Variants in EML6 observed in about 807,000 individuals in gnomAD.
The protein encoded by EML6 is EMAP like 6.
In EML6, 154 loss-of-function variants were observed where a neutral mutation model predicts 240.1. The observed-to-expected ratio is 0.64, with a 90% confidence interval of 0.56 to 0.73. The LOEUF (loss-of-function observed/expected upper bound fraction) is 0.73. Among genes scored for constraint, EML6 ranks in the 30% least tolerant of loss-of-function variants. The pLI is 0.00. For missense variants in EML6, 2,964 were observed against 2,474.6 expected (o/e 1.20, Z -4.20); for synonymous variants, 1,148 against 899.0 (o/e 1.28, Z -4.95).
chr2:54,911,258 T>C (rs939075953), intron 25 of EML6, among the ~76,000 whole-genome samples: 2 of 152,244 alleles, frequency 1.3e-5, no homozygotes, highest in African/African-American at 4.8e-5. Flanking sequence ...GTTGGTGCTC[T>C]GCTTAATTTT....
intron 4 of EML6, 30 bp from the exon 5 acceptor site, chr2:54,820,364 C>T (rs1324703438): frequency 2.0e-6 from 3 of 1,483,222 alleles, no homozygotes; most frequent in Non-Finnish European, 2.7e-6. Flanking sequence ...ACCAAATGAT[C>T]AACATGGCAA....
At chr2:54,792,059 T>C (rs947308410) in intron 2 of EML6, among the ~76,000 whole-genome samples, 1 of 152,210 alleles carries the variant, frequency 6.6e-6, no homozygotes, top group Non-Finnish European at 1.5e-5. Flanking sequence ...CCCAAAGTCA[T>C]CTGGTTTTCT....
chr2:54,961,578 A>G (rs1440150227), intron 35 of EML6, among the ~76,000 whole-genome samples: 2 of 152,076 alleles, frequency 1.3e-5, no homozygotes, highest in African/African-American at 2.4e-5. Context: ...CTCTGCAGTC[A>G]CTGGAATATT....
intron 35 of EML6, among the ~76,000 whole-genome samples, chr2:54,961,802 C>A (rs1475569045): frequency 6.6e-6 from 1 of 151,776 alleles, no homozygotes; most frequent in South Asian, 2.1e-4. Context: ...GTCAGGAGTT[C>A]GAGACCACCT....
chr2:54,853,235 T>G (rs1670186486), intron 10 of EML6, among the ~76,000 whole-genome samples: 1 of 152,194 alleles, frequency 6.6e-6, no homozygotes, highest in African/African-American at 2.4e-5. Flanking sequence ...AGTCATTTCA[T>G]TAATAATACA....
At chr2:54,809,123 A>G (rs937513474) in intron 2 of EML6, among the ~76,000 whole-genome samples, 6 of 152,264 alleles carry the variant, frequency 3.9e-5, no homozygotes, top group South Asian at 2.1e-4. Context: ...GAGACTCGCA[A>G]TGAAAGGGAG....
chr2:54,774,842 C>T lies in EML6; in HGVS notation c.198-38390C>T, dbSNP rs568886900. 2.6e-5 allele frequency among the ~76,000 whole-genome samples: 4 copies of T among 152,314 alleles called. No individual in the cohort carries two copies. In the East Asian group the frequency reaches 7.7e-4, roughly 29 times the overall value. On this transcript the variant is annotated intron_variant, in intron 2 of 41. Transcript: ENST00000356458. The surrounding 1 kb of genome is among the most constrained non-coding windows in gnomAD (Gnocchi z 4.1). ...AGTCAATGCTTCTCCTAATGACTTG[C>T]ATTAGAAAAGATAGTGTTGACATTG...
intron 2 of EML6, among the ~76,000 whole-genome samples, chr2:54,733,906 A>C (rs1439998489): frequency 6.6e-6 from 1 of 152,208 alleles, no homozygotes; most frequent in African/African-American, 2.4e-5. Flanking sequence ...AATAAATGGC[A>C]ACTTTACTAC....
chr2:54,847,026 G>GC (rs1321897411), intron 8 of EML6, among the ~76,000 whole-genome samples: 2 of 150,106 alleles, frequency 1.3e-5, no homozygotes, highest in East Asian at 2.0e-4. Context: ...TCCTGCCTGT[G>GC]CCCCCCAAGT....
At chr2:54,948,827 C>A in intron 28 of EML6, 55 bp from the exon 29 acceptor site, 1 of 1,404,284 alleles carries the variant, frequency 7.1e-7, no homozygotes, top group Non-Finnish European at 9.9e-7. Flanking sequence ...ACCGGGAAGG[C>A]AGCCTTGCAG....
chr2:54,905,937 C>T (rs909721861), intron 24 of EML6, among the ~76,000 whole-genome samples: 2 of 152,102 alleles, frequency 1.3e-5, no homozygotes, highest in Non-Finnish European at 2.9e-5. Context: ...TTGAGGGGCA[C>T]CTGTGTGGCT....
intron 2 of EML6, among the ~76,000 whole-genome samples, chr2:54,753,408 C>T (rs184925063): frequency 6.6e-6 from 1 of 152,258 alleles, no homozygotes; most frequent in Admixed American, 6.5e-5. Context: ...AAATGAGGAG[C>T]TTATCCTGGA....
intron 24 of EML6, among the ~76,000 whole-genome samples, chr2:54,904,203 G>T (rs1034259872): frequency 4.6e-5 from 7 of 152,188 alleles, no homozygotes; most frequent in African/African-American, 1.7e-4. Context: ...TACCGTGTGA[G>T]TAAGCAGTGG....
chr2:54,904,466 A>G (rs1438023744), intron 24 of EML6, among the ~76,000 whole-genome samples: 1 of 152,204 alleles, frequency 6.6e-6, no homozygotes, highest in African/African-American at 2.4e-5. Context: ...GAGGTAATCC[A>G]TGGAGCCTCT....
chr2:54,905,790 T>C (rs762081019), intron 24 of EML6, among the ~76,000 whole-genome samples: 1 of 152,234 alleles, frequency 6.6e-6, no homozygotes, highest in Non-Finnish European at 1.5e-5. Flanking sequence ...ACAGTATTTG[T>C]CTTTCTATAA....
chr2:54,897,480 A>G (rs1321922638), intron 21 of EML6, among the ~76,000 whole-genome samples: 1 of 152,178 alleles, frequency 6.6e-6, no homozygotes, highest in Non-Finnish European at 1.5e-5. Flanking sequence ...AGCCCAGAAA[A>G]TTACCCACAG....
intron 7 of EML6, among the ~76,000 whole-genome samples, chr2:54,834,485 A>G (rs1476878662): frequency 6.6e-6 from 1 of 152,222 alleles, no homozygotes; most frequent in East Asian, 1.9e-4. Context: ...TATAAGATGT[A>G]TTATTTACTT....
intron 24 of EML6, 53 bp downstream of exon 24, chr2:54,903,555 AT>A: frequency 1.5e-6 from 2 of 1,352,528 alleles, no homozygotes; most frequent in Non-Finnish European, 2.0e-6. Flanking sequence ...AAAAATGTCC[AT>A]TTATGCATTG....
chr2:54,913,199 T>C, intron 25 of EML6, among the ~76,000 whole-genome samples: 1 of 151,992 alleles, frequency 6.6e-6, no homozygotes. Flanking sequence ...GTTGGCTGCT[T>C]GTATGTCTTC....
Sources: allele counts gnomAD v4.1 joint callset (sites outside exome capture counted in the v4.1 genomes callset), GRCh38; gene constraint gnomAD v4.1.1; non-coding constraint Gnocchi (gnomAD v3.1); transcripts MANE v1.5; gene names NCBI Gene and HGNC (gene_info 2026-07-23, HGNC 2026-07-21).